SAMMSON: variants seen among roughly 807,000 people sequenced by gnomAD.
SAMMSON encodes survival associated mitochondrial melanoma specific oncogenic non-coding RNA.
At chr3:70,230,927 A>C (rs1701553812) in intron 4 of SAMMSON, among the ~76,000 whole-genome samples, 1 of 152,182 alleles carries the variant, frequency 6.6e-6, no homozygotes, top group Non-Finnish European at 1.5e-5. Context: ...CCACTTTTCA[A>C]TTTGGATGAA....
intron 4 of SAMMSON, among the ~76,000 whole-genome samples, chr3:70,160,313 A>G: frequency 6.6e-6 from 1 of 151,866 alleles, no homozygotes; most frequent in Non-Finnish European, 1.5e-5. Flanking sequence ...TTGAGATAAT[A>G]TTTGCATGTG....
At chr3:70,090,931 T>A (rs2067302827) in intron 4 of SAMMSON, among the ~76,000 whole-genome samples, 1 of 152,196 alleles carries the variant, frequency 6.6e-6, no homozygotes, top group African/African-American at 2.4e-5. Context: ...TTAGAAATCC[T>A]TTCTTCCTCC....
At chr3:70,073,866 T>C (rs955243177) in intron 4 of SAMMSON, among the ~76,000 whole-genome samples, 7 of 152,062 alleles carry the variant, frequency 4.6e-5, no homozygotes, top group Non-Finnish European at 8.8e-5. Context: ...CAAAAGATAT[T>C]ATCTGTGTCT....
rs140728311 is a variant in SAMMSON, at chr3:70,314,331, G to A, written n.739+23088G>A. On this transcript the variant is annotated intron_variant and non_coding_transcript_variant, in intron 7 of 9. Transcript: ENST00000642114. ...TATTTTCCTTTGTTCCAAAGTTGTA[G>A]AATACATATAATTACCAAATTCCCT... is the stretch of plus-strand genomic sequence containing the variant. Among the ~76,000 whole-genome samples, 461 of 152,190 alleles carry A rather than the reference G, an allele frequency of 3.0e-3. 5 individuals are homozygous for A. The highest frequency in any genetic ancestry group is 0.027 in the Middle Eastern group (8 of 292).
At chr3:70,253,971 AT>A (rs1701791700) in intron 6 of SAMMSON, among the ~76,000 whole-genome samples, 1 of 152,212 alleles carries the variant, frequency 6.6e-6, no homozygotes, top group Non-Finnish European at 1.5e-5. Flanking sequence ...GTGGCATAAT[AT>A]AGCTAGCTCA....
At chr3:70,216,139 T>C (rs1701409475) in intron 4 of SAMMSON, among the ~76,000 whole-genome samples, 1 of 149,668 alleles carries the variant, frequency 6.7e-6, no homozygotes, top group Admixed American at 6.6e-5. Context: ...TTTATAGATG[T>C]ATATGTATAT....
At chr3:70,347,762 G>A (rs1392259502) in intron 7 of SAMMSON, among the ~76,000 whole-genome samples, 1 of 152,174 alleles carries the variant, frequency 6.6e-6, no homozygotes, top group African/African-American at 2.4e-5. Flanking sequence ...AAACGTTAGG[G>A]TCGGGAGCAG....
intron 7 of SAMMSON, among the ~76,000 whole-genome samples, chr3:70,336,001 T>A (rs1017406665): frequency 2.0e-5 from 3 of 151,970 alleles, no homozygotes; most frequent in Admixed American, 2.0e-4. Flanking sequence ...AGTTAGGAAC[T>A]GGTATCAGCA....
chr3:70,015,713 G>A (rs1050807867), intron 3 of SAMMSON, among the ~76,000 whole-genome samples: 3 of 148,280 alleles, frequency 2.0e-5, no homozygotes, highest in East Asian at 1.9e-4. Context: ...ATCCCTCCCC[G>A]CTTCCCCACC....
At chr3:70,344,778 A>T (rs866391500) in intron 7 of SAMMSON, among the ~76,000 whole-genome samples, 3 of 151,918 alleles carry the variant, frequency 2.0e-5, no homozygotes, top group Non-Finnish European at 4.4e-5. Context: ...GAGGAGCCAC[A>T]CCCCTGTCGC....
chr3:70,213,378 G>T (rs1426135248), intron 4 of SAMMSON, among the ~76,000 whole-genome samples: 4 of 152,106 alleles, frequency 2.6e-5, no homozygotes, highest in African/African-American at 9.7e-5. Context: ...TTAAGGTAGG[G>T]TGATTTTAAT....
chr3:70,047,333 CT>C lies in SAMMSON; in HGVS notation n.418-24130del, dbSNP rs879262238. On this transcript the variant is annotated intron_variant and non_coding_transcript_variant, in intron 3 of 9. Coordinates refer to ENST00000642114, the Ensembl canonical transcript of SAMMSON. ...TATTATATAATTTCTCTCTCTCTCTCTTTTTTTTTTTTTGAGACAGAGTCTC... is the reference window on the plus strand; with the variant it reads ...TATTATATAATTTCTCTCTCTCTCTCTTTTTTTTTTTTGAGACAGAGTCTC... Among the ~76,000 whole-genome samples, 569 of 143,230 alleles carry C rather than the reference CT, an allele frequency of 4.0e-3. 2 individuals are homozygous for C. The highest frequency in any genetic ancestry group is 8.4e-3 in the African/African-American group (331 of 39,266). The allele number at this position is 143,230 out of a possible 152,430, so 94.0% of individuals were successfully genotyped here.
chr3:70,158,076 C>G (rs992712220), intron 4 of SAMMSON, among the ~76,000 whole-genome samples: 4 of 151,976 alleles, frequency 2.6e-5, no homozygotes, highest in African/African-American at 9.7e-5. Flanking sequence ...GATAATTTAC[C>G]CTTTTGACGT....
chr3:70,227,272 T>C (rs1701516901), intron 4 of SAMMSON, among the ~76,000 whole-genome samples: 1 of 152,220 alleles, frequency 6.6e-6, no homozygotes, highest in South Asian at 2.1e-4. Flanking sequence ...TCTCTAAACC[T>C]ATTATAGTCT....
chr3:70,357,478 A>T (rs1339221751), intron 8 of SAMMSON, among the ~76,000 whole-genome samples: 1 of 152,128 alleles, frequency 6.6e-6, no homozygotes, highest in African/African-American at 2.4e-5. Context: ...TTTAAATAAA[A>T]TTTTTTATTT....
At chr3:70,033,941 G>A (rs2067075089) in intron 3 of SAMMSON, among the ~76,000 whole-genome samples, 1 of 152,136 alleles carries the variant, frequency 6.6e-6, no homozygotes, top group Admixed American at 6.6e-5. Context: ...TCTGAACAGT[G>A]TCAGTTTGGG....
intron 4 of SAMMSON, among the ~76,000 whole-genome samples, chr3:70,240,019 T>G (rs141987979): frequency 7.6e-4 from 115 of 152,248 alleles, no homozygotes; most frequent in Middle Eastern, 3.4e-3. Context: ...TGATGAGAAG[T>G]AAAAATAGGT....
chr3:70,333,835 T>G (rs1051718547), intron 7 of SAMMSON, among the ~76,000 whole-genome samples: 2 of 152,220 alleles, frequency 1.3e-5, no homozygotes, highest in African/African-American at 4.8e-5. Context: ...GATAACCCAA[T>G]GAAGCATGTG....
chr3:70,084,536 G>A (rs1310377319), intron 4 of SAMMSON, among the ~76,000 whole-genome samples: 1 of 152,162 alleles, frequency 6.6e-6, no homozygotes, highest in East Asian at 1.9e-4. Context: ...TAGAAGTGGA[G>A]TAATGGGAAA....
Sources: gnomAD v4.1 joint callset for allele counts (sites outside exome capture counted in the v4.1 genomes callset) on GRCh38, gnomAD v4.1.1 for gene constraint, MANE v1.5 for transcripts, NCBI Gene and HGNC (gene_info 2026-07-23, HGNC 2026-07-21) for gene names.